The following GLYATL1B variants were observed in gnomAD, a reference collection of about 807,000 sequenced individuals.
GLYATL1B encodes the protein glycine-N-acyltransferase like 1B.
A neutral mutation model predicts 5.5 loss-of-function variants in GLYATL1B; 6 were observed. The ratio of observed to expected loss-of-function variants is 1.09; its 90% confidence interval spans 0.60 to 2.15. The LOEUF (loss-of-function observed/expected upper bound fraction) is 2.15, where lower values mean the gene tolerates loss of function less well. Among genes scored for constraint, GLYATL1B ranks in the 30% most tolerant of loss-of-function variants. The probability of loss-of-function intolerance (pLI) is 0.00; values close to 1 mark genes in which losing one functional copy is unlikely to be tolerated. For synonymous variants in GLYATL1B, 67 were observed against 34.9 expected, an observed-to-expected ratio of 1.92 and a Z score of -3.24; for missense variants, 135 against 94.1, an observed-to-expected ratio of 1.43 and a Z score of -1.80.
At chr11:59,087,231 C>G in intron 2 of GLYATL1B, 60 bp downstream of exon 2, 1 of 478,226 alleles carries the variant, frequency 2.1e-6, no homozygotes, top group South Asian at 5.7e-5. Flanking sequence ...GAGGAACTGT[C>G]CAATTCAGAC....
chr11:59,089,605 A>G (rs1431491968), intron 2 of GLYATL1B, among the ~76,000 whole-genome samples: 2 of 152,152 alleles, frequency 1.3e-5, no homozygotes, highest in Admixed American at 1.3e-4. Flanking sequence ...TATTCAACAT[A>G]TATTTTCATA....
chr11:59,091,738 T>A (rs1054846857), intron 2 of GLYATL1B, among the ~76,000 whole-genome samples: 2 of 152,174 alleles, frequency 1.3e-5, no homozygotes, highest in Admixed American at 6.5e-5. Flanking sequence ...AATGAATCGT[T>A]CTACCAAAAT....
intron 1 of GLYATL1B, 128 bp from the exon 2 acceptor site, chr11:59,086,936 T>A (rs115475478): frequency 2.3e-6 from 1 of 435,970 alleles, no homozygotes; most frequent in East Asian, 3.5e-5. Context: ...GGAGATGCTG[T>A]TCATCTCATC....
chr11:59,089,008 A>G (rs1048551969), intron 2 of GLYATL1B, among the ~76,000 whole-genome samples: 1 of 152,202 alleles, frequency 6.6e-6, no homozygotes, highest in South Asian at 2.1e-4. Context: ...CATGATTTTA[A>G]GAAGTTAATA....
intron 1 of GLYATL1B, 71 bp downstream of exon 1, chr11:59,086,455 A>G (rs879233022): frequency 2.5e-6 from 1 of 397,174 alleles, no homozygotes; most frequent in South Asian, 1.3e-4. Context: ...AGGCTCATGA[A>G]TCTCGTCCTT....
At chr11:59,090,689 C>T (rs926316125) in intron 2 of GLYATL1B, among the ~76,000 whole-genome samples, 6 of 151,906 alleles carry the variant, frequency 3.9e-5, no homozygotes, top group South Asian at 2.1e-4. Flanking sequence ...TGTTTTCTGT[C>T]GAAGTCTCTT....
At chr11:59,091,831 A>G (rs1221615167) in intron 2 of GLYATL1B, among the ~76,000 whole-genome samples, 2 of 152,196 alleles carry the variant, frequency 1.3e-5, no homozygotes, top group African/African-American at 4.8e-5. Context: ...TCAAAGGTGC[A>G]TTGGATAAAA....
chr11:59,090,756 T>C (rs1433922587), intron 2 of GLYATL1B, among the ~76,000 whole-genome samples: 1 of 152,070 alleles, frequency 6.6e-6, no homozygotes, highest in Non-Finnish European at 1.5e-5. Context: ...GCTGCTTCTT[T>C]GCCAATATTT....
At chr11:59,087,557 T>C (rs1859216140) in intron 2 of GLYATL1B, among the ~76,000 whole-genome samples, 1 of 152,064 alleles carries the variant, frequency 6.6e-6, no homozygotes, top group Non-Finnish European at 1.5e-5. Flanking sequence ...TAAAATTACA[T>C]CTCATGGCCA....
rs1336156870 is a variant in GLYATL1B at position 59,093,570 on chromosome 11, T to C, written c.228T>C (p.Arg76=). 6.2e-6 allele frequency: 3 copies of C among 485,714 alleles called. No individual in the cohort carries two copies. The highest frequency in any genetic ancestry group is 3.2e-5 in the Admixed American group (1 of 31,722). 30.1% of individuals were successfully genotyped at this position (485,714 alleles called of 1,614,324 possible). A position where few individuals can be genotyped will look rare whatever the true frequency, so the allele number is the denominator to read the frequency against. ...DDMDSYTNVY[R]VFSKDPQKSQ... is the part of the protein sequence containing the mutation. Reference sequence around the variant, plus strand: ...TGGATTCATACACTAATGTATATCGTGTATTCTCCAAAGACCCTCAAAAAT... The same window carrying C: ...TGGATTCATACACTAATGTATATCGCGTATTCTCCAAAGACCCTCAAAAAT... The change falls in exon 3 of 5, where the codon CGT becomes CGC. Residue 76 remains arginine, a synonymous_variant. Transcript: ENST00000527482.
At chr11:59,087,626 C>T (rs957352403) in intron 2 of GLYATL1B, among the ~76,000 whole-genome samples, 2 of 152,150 alleles carry the variant, frequency 1.3e-5, no homozygotes, top group Non-Finnish European at 2.9e-5. Context: ...AGGAGGATCG[C>T]TTGAGGCCAG....
At chr11:59,090,031 T>G (rs1174818064) in intron 2 of GLYATL1B, among the ~76,000 whole-genome samples, 1 of 152,108 alleles carries the variant, frequency 6.6e-6, no homozygotes, top group African/African-American at 2.4e-5. Flanking sequence ...TTCTTTTATA[T>G]TTATCCCCCG....
At chr11:59,094,139 T>C (rs1276376550) in intron 4 of GLYATL1B, 28 bp downstream of exon 4, 6 of 574,302 alleles carry the variant, frequency 1.0e-5, no homozygotes, top group Non-Finnish European at 1.9e-5. Flanking sequence ...TGATCATTTA[T>C]AATTGCTATT....
At chr11:59,087,261 G>A (rs1398631796) in intron 2 of GLYATL1B, 90 bp downstream of exon 2, 2 of 446,732 alleles carry the variant, frequency 4.5e-6, no homozygotes, top group East Asian at 3.3e-5. Flanking sequence ...GCTTTTATAG[G>A]GTGAAAGGAA....
intron 2 of GLYATL1B, among the ~76,000 whole-genome samples, chr11:59,091,808 T>C (rs1370488273): frequency 6.6e-6 from 1 of 152,152 alleles, no homozygotes; most frequent in African/African-American, 2.4e-5. Flanking sequence ...CATGGAATCA[T>C]CACAGATCCC....
chr11:59,087,712 T>G (rs1014468235), intron 2 of GLYATL1B, among the ~76,000 whole-genome samples: 1 of 152,036 alleles, frequency 6.6e-6, no homozygotes, highest in African/African-American at 2.4e-5. Flanking sequence ...CAGGGCATGG[T>G]GATGCGTGCC....
intron 1 of GLYATL1B, among the ~76,000 whole-genome samples, chr11:59,086,768 TA>T (rs1183722354): frequency 9.9e-5 from 15 of 152,172 alleles, no homozygotes; most frequent in African/African-American, 3.6e-4. Flanking sequence ...ACCTACCTCT[TA>T]AAGTTGTTGT....
At chr11:59,090,051 C>A (rs73487322) in intron 2 of GLYATL1B, among the ~76,000 whole-genome samples, 2,065 of 152,098 alleles carry the variant, frequency 0.014, 41 homozygotes, top group African/African-American at 0.047. Flanking sequence ...GAATGGCTGG[C>A]TAATTACGTT....
chr11:59,088,572 G>A (rs538673470), intron 2 of GLYATL1B, among the ~76,000 whole-genome samples: 4 of 152,246 alleles, frequency 2.6e-5, no homozygotes, highest in East Asian at 3.9e-4. Context: ...AGTGTCATAC[G>A]CTAAATAACT....
Sources: allele counts gnomAD v4.1 joint callset (sites outside exome capture counted in the v4.1 genomes callset), GRCh38; gene constraint gnomAD v4.1.1; transcripts MANE v1.5; gene names NCBI Gene and HGNC (gene_info 2026-07-23, HGNC 2026-07-21).